The following SMARCD3 variants were observed in gnomAD, a reference collection of about 807,000 sequenced individuals.
The protein encoded by SMARCD3 is SWI/SNF related BAF chromatin remodeling complex subunit D3.
In SMARCD3, 14 loss-of-function variants were observed where a neutral mutation model predicts 58.0. That is an observed-to-expected ratio of 0.24 (90% confidence interval 0.16 to 0.38). The LOEUF is 0.38. Among genes scored for constraint, SMARCD3 ranks in the 10% least tolerant of loss-of-function variants. The pLI is 1.00. For missense variants in SMARCD3, 408 were observed against 636.9 expected, an observed-to-expected ratio of 0.64 and a Z score of 3.87; for synonymous variants, 253 against 253.8, an observed-to-expected ratio of 1.00 and a Z score of 0.03.
intron 2 of SMARCD3, among the ~76,000 whole-genome samples, chr7:151,263,342 C>T (rs746497392): frequency 6.6e-6 from 1 of 152,032 alleles, no homozygotes; most frequent in African/African-American, 2.4e-5. Context: ...ACCTGGAAGG[C>T]AGCTGGGGAG....
At chr7:151,249,656 G>GC (rs1803445856), upstream of SMARCD3, among the ~76,000 whole-genome samples, 1 of 151,834 alleles carries the variant, frequency 6.6e-6, no homozygotes, top group Non-Finnish European at 1.5e-5. The surrounding 1 kb of genome is among the most constrained non-coding windows in gnomAD (Gnocchi z 4.8). Context: ...TTGGGGTGGG[G>GC]GTGGAGTGGG....
intron 2 of SMARCD3, among the ~76,000 whole-genome samples, chr7:151,263,726 C>T (rs1803990402): frequency 6.6e-6 from 1 of 152,326 alleles, no homozygotes; most frequent in East Asian, 1.9e-4. Flanking sequence ...TGGACCAGGC[C>T]GGCACCATCT....
chr7:151,242,946 G>A lies in SMARCD3; in HGVS notation c.334-103C>T, dbSNP rs1017299156. 2 of 1,418,064 alleles carry A rather than the reference G, an allele frequency of 1.4e-6. No individual in the cohort carries two copies. 87.8% of individuals were successfully genotyped at this position (1,418,064 alleles called of 1,614,324 possible). On this transcript the variant is annotated intron_variant, in intron 3 of 12. Coordinates refer to ENST00000262188, the MANE Select transcript of SMARCD3 (RefSeq NM_001003801.2). The surrounding 1 kb of genome is among the most constrained non-coding windows in gnomAD (Gnocchi z 4.7). ...TCCTAGGGTACAAAAGATGTCAGGG[G>A]AGCCATCCTACTTTTGGGCATGTAG...
chr7:151,239,286 C>CGTG lies in SMARCD3; in HGVS notation c.1398+107_1398+109dup. ...GGAGGGCCATTGCATGGTGAGGCAGCGTGGTGAAGCTTTACTGTGGGGAGC... is the reference window on the plus strand; with the variant it reads ...GGAGGGCCATTGCATGGTGAGGCAGCGTGGTGGTGAAGCTTTACTGTGGGGAGC... On this transcript the variant is annotated intron_variant, in intron 12 of 12. Transcript: ENST00000262188. This position sits in a 1 kb window ranked among gnomAD's most constrained non-coding sequence, Gnocchi z 7.0. 7.7e-7 allele frequency: 1 copy of CGTG among 1,305,616 alleles called. No individual in the cohort carries two copies. The highest frequency in any genetic ancestry group is 1.1e-6 in the Non-Finnish European group (1 of 901,806). 80.9% of individuals were successfully genotyped at this position (1,305,616 alleles called of 1,614,324 possible). A position where few individuals can be genotyped will look rare whatever the true frequency, so the allele number is the denominator to read the frequency against.
rs367645279 is a variant in SMARCD3, at chr7:151,241,868, G to A, written c.777+9C>T. On this transcript the variant is annotated intron_variant, in intron 7 of 12. Transcript: ENST00000262188. The surrounding 1 kb of genome is among the most constrained non-coding windows in gnomAD (Gnocchi z 5.3). ...GTGGCGTGTACGGGGCAGCATGGCA[G>A]GTGCAGACCTGGTAGTCCAGCATGA... The A allele has an allele frequency of 1.1e-5, 18 of 1,603,506 alleles. No homozygotes were observed. Among genetic ancestry groups the A allele is most frequent in the Non-Finnish European group, 1.5e-5 (18 of 1,173,858 alleles).
At chr7:151,248,769 G>A, upstream of SMARCD3, 4 of 929,784 alleles carry the variant, frequency 4.3e-6, no homozygotes, top group Non-Finnish European at 5.3e-6. The surrounding 1 kb of genome is among the most constrained non-coding windows in gnomAD (Gnocchi z 6.1). Flanking sequence ...CGCCGCCGCC[G>A]CCGCCGCGGC....
chr7:151,241,367 CTG>C lies in SMARCD3; in HGVS notation c.939+123_939+124del. 2 of 834,514 alleles carry C rather than the reference CTG, an allele frequency of 2.4e-6. No homozygotes were observed. Among genetic ancestry groups the C allele is most frequent in the South Asian group, 1.4e-5 (1 of 69,098 alleles). 51.7% of individuals were successfully genotyped at this position (834,514 alleles called of 1,614,324 possible). On this transcript the variant is annotated intron_variant, in intron 8 of 12. Coordinates refer to ENST00000262188, the MANE Select transcript of SMARCD3 (RefSeq NM_001003801.2). This position sits in a 1 kb window ranked among gnomAD's most constrained non-coding sequence, Gnocchi z 5.3. ...CGGTCTCTTGGCTCCAAGACCATGACTGTGTACTGCTTCTGCTACTCAGGAAT... is the reference window on the plus strand; with the variant it reads ...CGGTCTCTTGGCTCCAAGACCATGACTGTACTGCTTCTGCTACTCAGGAAT...
At position 151,243,629 on chromosome 7, in the gene SMARCD3, G is replaced by A. The variant is rs1364230735; in HGVS notation, c.333+30C>T. 3 of 1,278,702 alleles carry A rather than the reference G, an allele frequency of 2.3e-6. No individual in the cohort carries two copies. In the South Asian group the frequency reaches 3.6e-5, roughly 15 times the overall value. The allele number at this position is 1,278,702 out of a possible 1,614,324, so 79.2% of individuals were successfully genotyped here. The stretch of plus-strand genomic sequence containing the variant: ...GGCGGAGCAGCAAAGGGTGGGGGGT[G>A]GGCTGGGGGCTGCTGTGAAAGGCAC... On this transcript the variant is annotated intron_variant, in intron 3 of 12. Transcript: ENST00000262188. The surrounding 1 kb of genome is among the most constrained non-coding windows in gnomAD (Gnocchi z 4.4).
chr7:151,241,822 G>C lies in SMARCD3; in HGVS notation c.777+55C>G. 6.7e-7 allele frequency: 1 copy of C among 1,503,544 alleles called. No homozygotes were observed. The highest frequency in any genetic ancestry group is 9.1e-7 in the Non-Finnish European group (1 of 1,093,488). The allele number at this position is 1,503,544 out of a possible 1,614,324, so 93.1% of individuals were successfully genotyped here. ...TCAAGATGCACCACTTTGGGACCTA[G>C]CCCTGCCCTGAGGGCCTTGTGTGGC... On this transcript the variant is annotated intron_variant, in intron 7 of 12. Coordinates refer to ENST00000262188, the MANE Select transcript of SMARCD3 (RefSeq NM_001003801.2). This position sits in a 1 kb window ranked among gnomAD's most constrained non-coding sequence, Gnocchi z 5.3.
intron 8 of SMARCD3, 106 bp from the exon 9 acceptor site, chr7:151,240,628 T>C: frequency 1.2e-6 from 1 of 801,154 alleles, no homozygotes; most frequent in Non-Finnish European, 2.0e-6. Context: ...TGAGAGGAAG[T>C]CTGATTCCTC....
rs1459731043 is a variant in SMARCD3 at position 151,246,485 on chromosome 7, A to C, written c.79-814T>G. On this transcript the variant is annotated intron_variant, in intron 1 of 12. Coordinates refer to ENST00000262188, the MANE Select transcript of SMARCD3 (RefSeq NM_001003801.2). The surrounding 1 kb of genome is among the most constrained non-coding windows in gnomAD (Gnocchi z 4.4). ...ACACAGCCAGGATTCTCTGATTGGG[A>C]GGAGGGGAACTGCGTTAGAGGTGGG... 6.6e-6 allele frequency among the ~76,000 whole-genome samples: 1 copy of C among 151,986 alleles called. No homozygotes were observed. Among genetic ancestry groups the C allele is most frequent in the Non-Finnish European group, 1.5e-5 (1 of 67,978 alleles).
In SMARCD3 at chr7:151,241,668, CTG is replaced by C. The variant is rs759550546; in HGVS notation, c.778-17_778-16del. ...AACTGGGGAGGCTGGGAAAAGGGGACTGTGAAAGTTAGACCAAAGGGAGAGAA... is the reference window on the plus strand; with the variant it reads ...AACTGGGGAGGCTGGGAAAAGGGGACTGAAAGTTAGACCAAAGGGAGAGAA... On this transcript the variant is annotated splice_polypyrimidine_tract_variant and intron_variant, in intron 7 of 12. Coordinates refer to ENST00000262188, the MANE Select transcript of SMARCD3 (RefSeq NM_001003801.2). This position sits in a 1 kb window ranked among gnomAD's most constrained non-coding sequence, Gnocchi z 5.3. The C allele has an allele frequency of 6.2e-7, 1 of 1,606,320 alleles. No homozygotes were observed. Among genetic ancestry groups the C allele is most frequent in the Non-Finnish European group, 8.5e-7 (1 of 1,176,008 alleles).
At chr7:151,250,340 C>G (rs1803473833), upstream of SMARCD3, among the ~76,000 whole-genome samples, 1 of 151,978 alleles carries the variant, frequency 6.6e-6, no homozygotes, top group African/African-American at 2.4e-5. Context: ...CCCCCACACA[C>G]CCCCACACAC....
chr7:151,239,890 AG>A lies in SMARCD3; in HGVS notation c.1174-145del. The stretch of plus-strand genomic sequence containing the variant: ...GAGCCCCTGATTTCTCTGAAGTCCC[AG>A]GGGAGGAGGGGATGGGCAGAACTAA... On this transcript the variant is annotated intron_variant, in intron 10 of 12. Transcript: ENST00000262188. The surrounding 1 kb of genome is among the most constrained non-coding windows in gnomAD (Gnocchi z 7.0). 1 of 978,156 alleles carries A rather than the reference AG, an allele frequency of 1.0e-6. No homozygotes were observed. The highest frequency in any genetic ancestry group is 1.5e-6 in the Non-Finnish European group (1 of 662,610). The allele number at this position is 978,156 out of a possible 1,614,324, so 60.6% of individuals were successfully genotyped here.
chr7:151,240,475 G>A lies in SMARCD3; in HGVS notation c.987C>T (p.Leu329=), dbSNP rs767030968. ...RLKFSEIPQR[L]TALLLPPDPI... Reference sequence around the variant, plus strand: ...GGTCAGGGGGCAATAGCAGGGCTGTGAGGCGCTGGGGAATCTCAGAAAACT... The same window carrying A: ...GGTCAGGGGGCAATAGCAGGGCTGTAAGGCGCTGGGGAATCTCAGAAAACT... The change falls in exon 9 of 13, where the codon CTC becomes CTT. Residue 329 remains leucine, a synonymous_variant. Coordinates refer to ENST00000262188, the MANE Select transcript of SMARCD3 (RefSeq NM_001003801.2). The A allele has an allele frequency of 6.2e-7, 1 of 1,613,964 alleles. No individual in the cohort carries two copies. Among genetic ancestry groups the A allele is most frequent in the South Asian group, 1.1e-5 (1 of 90,976 alleles).
chr7:151,260,325 T>C (rs1803875687), intron 2 of SMARCD3, among the ~76,000 whole-genome samples: 1 of 152,168 alleles, frequency 6.6e-6, no homozygotes, highest in South Asian at 2.1e-4. Flanking sequence ...TAAGCTGAAT[T>C]ACCCTTAATT....
chr7:151,262,168 C>T lies in SMARCD3; in HGVS notation c.39+12946G>A, dbSNP rs776617574. ...AGTGGTGTGATCACAGCTCACTGGA[C>T]CTCCTGGGCTCAAGCTATCTTCCCA... is the stretch of plus-strand genomic sequence containing the variant. On this transcript the variant is annotated intron_variant, in intron 2 of 13. Coordinates refer to the SMARCD3 transcript ENST00000356800. Among the ~76,000 whole-genome samples, 41 of 151,976 alleles carry T rather than the reference C, an allele frequency of 2.7e-4. 1 individual carries two copies. Among genetic ancestry groups the T allele is most frequent in the Non-Finnish European group, 8.8e-5 (6 of 68,010 alleles).
intron 2 of SMARCD3, among the ~76,000 whole-genome samples, chr7:151,267,228 C>G (rs1468653507): frequency 6.6e-6 from 1 of 152,192 alleles, no homozygotes; most frequent in African/African-American, 2.4e-5. Flanking sequence ...CAAAACAGTT[C>G]AACATGCATT....
At position 151,243,751 on chromosome 7, in the gene SMARCD3, G is replaced by C. The variant is rs1803121169; in HGVS notation, c.291-50C>G. 1.6e-6 allele frequency: 2 copies of C among 1,276,958 alleles called. No homozygotes were observed. Among genetic ancestry groups the C allele is most frequent in the Admixed American group, 3.4e-5 (2 of 59,598 alleles). 79.1% of individuals were successfully genotyped at this position (1,276,958 alleles called of 1,614,324 possible). On this transcript the variant is annotated intron_variant, in intron 2 of 12. Coordinates refer to ENST00000262188, the MANE Select transcript of SMARCD3 (RefSeq NM_001003801.2). This position sits in a 1 kb window ranked among gnomAD's most constrained non-coding sequence, Gnocchi z 4.4. Reference sequence around the variant, plus strand: ...CAGGTTACCATGGCGACAGATCTGGGCGTAACGAGGCCACCTGCTAGATTA... The same window carrying C: ...CAGGTTACCATGGCGACAGATCTGGCCGTAACGAGGCCACCTGCTAGATTA...
Sources: allele counts gnomAD v4.1 joint callset (sites outside exome capture counted in the v4.1 genomes callset), GRCh38; gene constraint gnomAD v4.1.1; non-coding constraint Gnocchi (gnomAD v3.1); transcripts MANE v1.5; gene names NCBI Gene and HGNC (gene_info 2026-07-23, HGNC 2026-07-21).